Variants in FAM135B observed in about 807,000 individuals in gnomAD.
FAM135B encodes the protein protein FAM135B.
FAM135B carries 43 observed loss-of-function variants against 127.7 expected under a neutral mutation model. The ratio of observed to expected loss-of-function variants is 0.34; its 90% CI spans 0.26 to 0.43. The LOEUF is 0.43. Among genes scored for constraint, FAM135B ranks in the 20% least tolerant of loss-of-function variants. The pLI is 1.00. For synonymous variants in FAM135B, 670 were observed against 665.1 expected, an observed-to-expected ratio of 1.01 and a Z score of -0.11; for missense variants, 1,558 against 1,725.6, an observed-to-expected ratio of 0.90 and a Z score of 1.72.
At chr8:138,494,331 C>T (rs967493164) in intron 1 of FAM135B, among the ~76,000 whole-genome samples, 1 of 152,228 alleles carries the variant, frequency 6.6e-6, no homozygotes, top group African/African-American at 2.4e-5. Flanking sequence ...CATGGCTGCA[C>T]CAGGTGCTGC....
intron 3 of FAM135B, among the ~76,000 whole-genome samples, chr8:138,305,507 C>T (rs1826177624): frequency 2.2e-3 from 1 of 448 alleles, no homozygotes; most frequent in African/African-American, 3.5e-3. Context: ...CATGGACATA[C>T]CAATTATTTG....
intron 1 of FAM135B, among the ~76,000 whole-genome samples, chr8:138,454,319 G>C (rs1836657422): frequency 6.6e-6 from 1 of 152,138 alleles, no homozygotes; most frequent in Admixed American, 6.6e-5. Flanking sequence ...ATGTTTCAGT[G>C]ACCCATTTTC....
intron 1 of FAM135B, among the ~76,000 whole-genome samples, chr8:138,403,216 C>A (rs1214983818): frequency 2.6e-5 from 4 of 152,178 alleles, no homozygotes; most frequent in African/African-American, 7.2e-5. Context: ...CAACTCCTTA[C>A]CAGTTCCTTT....
intron 2 of FAM135B, among the ~76,000 whole-genome samples, chr8:138,353,347 T>C (rs1446399575): frequency 6.6e-6 from 1 of 152,220 alleles, no homozygotes; most frequent in Non-Finnish European, 1.5e-5. Flanking sequence ...GCAAAGGCTA[T>C]TCTTGACTCC....
At chr8:138,462,759 G>A (rs760346818) in intron 1 of FAM135B, among the ~76,000 whole-genome samples, 6 of 152,136 alleles carry the variant, frequency 3.9e-5, no homozygotes, top group Admixed American at 6.6e-5. Context: ...AAGCACCAGC[G>A]TGAGGTGCAA....
chr8:138,359,027 A>G (rs1384607933), intron 2 of FAM135B, among the ~76,000 whole-genome samples: 3 of 152,104 alleles, frequency 2.0e-5, no homozygotes, highest in African/African-American at 7.2e-5. Context: ...TAAAAGGTAA[A>G]TTGAGAAAAA....
chr8:138,478,147 C>A (rs936117449), intron 1 of FAM135B, among the ~76,000 whole-genome samples: 1 of 152,090 alleles, frequency 6.6e-6, no homozygotes, highest in Admixed American at 6.5e-5. Context: ...GATGAAATCC[C>A]AACCCATCCC....
chr8:138,148,882 T>TA (rs1817872855), intron 13 of FAM135B, 196 bp from the exon 14 acceptor site: 1 of 357,722 alleles, frequency 2.8e-6, no homozygotes, highest in Non-Finnish European at 4.9e-6. Context: ...AAGCACTCTA[T>TA]AAAAACCAAA....
intron 1 of FAM135B, among the ~76,000 whole-genome samples, chr8:138,460,699 T>C (rs1162013486): frequency 7.6e-6 from 1 of 132,012 alleles, no homozygotes; most frequent in Non-Finnish European, 1.7e-5. Context: ...TCTGGGAGGC[T>C]TCTGGAAGGA....
At chr8:138,272,796 G>T (rs2130687466) in intron 3 of FAM135B, among the ~76,000 whole-genome samples, 1 of 152,332 alleles carries the variant, frequency 6.6e-6, no homozygotes, top group East Asian at 1.9e-4. Context: ...AGGTATTTCA[G>T]TTTGGATTTC....
chr8:138,285,896 T>C (rs1026405195), intron 3 of FAM135B, among the ~76,000 whole-genome samples: 1 of 152,228 alleles, frequency 6.6e-6, no homozygotes, highest in Non-Finnish European at 1.5e-5. Context: ...TTCATTCATC[T>C]GCTTATCTTT....
intron 3 of FAM135B, among the ~76,000 whole-genome samples, chr8:138,277,193 G>A (rs925687423): frequency 7.2e-5 from 11 of 152,124 alleles, no homozygotes; most frequent in South Asian, 2.1e-4. Context: ...TGTCCTCCAG[G>A]ACAGCAGAGG....
At chr8:138,344,296 A>G (rs1264965027) in intron 2 of FAM135B, among the ~76,000 whole-genome samples, 1 of 152,216 alleles carries the variant, frequency 6.6e-6, no homozygotes, top group Non-Finnish European at 1.5e-5. Context: ...AAGGTGGCCA[A>G]TGCAGTGCAA....
chr8:138,377,147 G>T lies in FAM135B; in HGVS notation c.-19-9145C>A, dbSNP rs7825821. On this transcript the variant is annotated intron_variant, in intron 1 of 19. Coordinates refer to ENST00000395297, the MANE Select transcript of FAM135B (RefSeq NM_015912.4). ...GAAATGCAATTTTTCTTTAAAACGT[G>T]AATCTTCAGAGTATATGGTCTTTGA... Among the ~76,000 whole-genome samples the T allele has an allele frequency of 3.3e-5, 5 of 152,106 alleles. No individual in the cohort carries two copies. The East Asian group carries it at 9.7e-4, about 29-fold the overall frequency.
At chr8:138,350,821 T>C (rs1258026479) in intron 2 of FAM135B, among the ~76,000 whole-genome samples, 3 of 152,194 alleles carry the variant, frequency 2.0e-5, no homozygotes, top group Non-Finnish European at 4.4e-5. Context: ...CCACATTTTA[T>C]ACCTGTATAC....
intron 1 of FAM135B, among the ~76,000 whole-genome samples, chr8:138,457,941 C>A (rs1429427555): frequency 6.7e-6 from 1 of 148,748 alleles, no homozygotes; most frequent in African/African-American, 2.5e-5. Context: ...TCCGCCACTG[C>A]ACTCCAGCCT....
intron 11 of FAM135B, among the ~76,000 whole-genome samples, chr8:138,174,537 A>G (rs1294077618): frequency 6.6e-6 from 1 of 152,208 alleles, no homozygotes; most frequent in Non-Finnish European, 1.5e-5. Context: ...TCTGTTTTAC[A>G]GCTCTTCTTA....
chr8:138,251,880 G>A (rs1331045352), intron 5 of FAM135B, among the ~76,000 whole-genome samples: 3 of 152,192 alleles, frequency 2.0e-5, no homozygotes, highest in Non-Finnish European at 2.9e-5. Context: ...TTCATGAGAA[G>A]AGCAGAGAGG....
intron 1 of FAM135B, among the ~76,000 whole-genome samples, chr8:138,373,151 G>A (rs1831251365): frequency 6.6e-6 from 1 of 152,142 alleles, no homozygotes; most frequent in Admixed American, 6.5e-5. Context: ...TTAATAGGTT[G>A]ACTAGGACAT....
Sources: allele counts gnomAD v4.1 joint callset (sites outside exome capture counted in the v4.1 genomes callset), GRCh38; gene constraint gnomAD v4.1.1; transcripts MANE v1.5; gene names NCBI Gene and HGNC (gene_info 2026-07-23, HGNC 2026-07-21).